KHDRBS2: variants seen among roughly 807,000 people sequenced by gnomAD.
KHDRBS2 encodes KH RNA binding domain containing, signal transduction associated 2, also known as KH domain-containing, RNA-binding, signal transduction-associated protein 2.
KHDRBS2 carries 26 observed loss-of-function variants against 44.3 expected under a neutral mutation model. The ratio of observed to expected loss-of-function variants is 0.59; its 90% CI spans 0.43 to 0.81. The LOEUF (loss-of-function observed/expected upper bound fraction) is 0.81. Ranked by LOEUF, KHDRBS2 falls within the 40% of genes least tolerant of loss-of-function variation. KHDRBS2 has a pLI of 0.00. For synonymous variants in KHDRBS2, 194 were observed against 151.1 expected (o/e 1.28, Z -2.08); for missense variants, 476 against 433.1 (o/e 1.10, Z -0.88).
chr6:61,769,971 A>G (rs1021717852), intron 6 of KHDRBS2, among the ~76,000 whole-genome samples: 1 of 152,048 alleles, frequency 6.6e-6, no homozygotes, highest in African/African-American at 2.4e-5. Context: ...ACGGCTGTGT[A>G]CTCCTCTGAG....
rs1562170637 is a variant in KHDRBS2, at chr6:61,782,746, C to CATAT, written c.811-49983_811-49982insATAT. Among the ~76,000 whole-genome samples the CATAT allele has an allele frequency of 2.3e-4, 31 of 135,202 alleles. 1 individual carries two copies. The highest frequency in any genetic ancestry group is 6.7e-4 in the East Asian group (3 of 4,500). 88.7% of individuals were successfully genotyped at this position (135,202 alleles called of 152,430 possible). A position where few individuals can be genotyped will look rare whatever the true frequency, so the allele number is the denominator to read the frequency against. ...ATATATATATATATATATACACACA[C>CATAT]ACATATACATATACATATACATATA... On this transcript the variant is annotated intron_variant, in intron 6 of 8. Coordinates refer to ENST00000281156, the MANE Select transcript of KHDRBS2 (RefSeq NM_152688.4).
chr6:61,549,806 C>T, the KHDRBS2 span, among the ~76,000 whole-genome samples: 1 of 152,078 alleles, frequency 6.6e-6, no homozygotes, highest in Non-Finnish European at 1.5e-5. Context: ...AACCTAGCAA[C>T]TAATCTTTAA....
intron 4 of KHDRBS2, among the ~76,000 whole-genome samples, chr6:61,913,027 C>T (rs2127352710): frequency 6.6e-6 from 1 of 152,230 alleles, no homozygotes; most frequent in East Asian, 1.9e-4. Context: ...GCCTTCATCA[C>T]AGACATGGGA....
chr6:62,180,638 G>A (rs1388985256), intron 1 of KHDRBS2, among the ~76,000 whole-genome samples: 1 of 151,726 alleles, frequency 6.6e-6, no homozygotes, highest in East Asian at 1.9e-4. Context: ...TAAAGATTCA[G>A]TTCAATCTCT....
At chr6:62,025,414 AT>A (rs933642679) in intron 3 of KHDRBS2, among the ~76,000 whole-genome samples, 4 of 151,812 alleles carry the variant, frequency 2.6e-5, no homozygotes, top group South Asian at 2.1e-4. Flanking sequence ...GAAATATCTT[AT>A]TTTTTTAAAT....
intron 2 of KHDRBS2, among the ~76,000 whole-genome samples, chr6:62,118,929 G>A (rs534122020): frequency 1.4e-4 from 21 of 152,102 alleles, no homozygotes; most frequent in Non-Finnish European, 3.1e-4. Flanking sequence ...GCAGACAGAT[G>A]ACCTATTAGG....
chr6:61,658,242 A>G, the KHDRBS2 span, among the ~76,000 whole-genome samples: 2 of 151,854 alleles, frequency 1.3e-5, no homozygotes, highest in African/African-American at 4.8e-5. Flanking sequence ...TGATTTTCAT[A>G]TAGCCATATC....
intron 4 of KHDRBS2, among the ~76,000 whole-genome samples, chr6:61,901,808 G>A (rs895398662): frequency 1.3e-5 from 2 of 152,232 alleles, no homozygotes; most frequent in East Asian, 1.9e-4. Context: ...AAACAAAAAA[G>A]AGCAATCCCA....
intron 6 of KHDRBS2, among the ~76,000 whole-genome samples, chr6:61,867,165 AG>A (rs1797918149): frequency 6.6e-6 from 1 of 152,214 alleles, no homozygotes; most frequent in African/African-American, 2.4e-5. Context: ...GATGAAAAAT[AG>A]GTTTAATGGA....
chr6:61,970,367 T>G (rs1447737640), intron 4 of KHDRBS2, among the ~76,000 whole-genome samples: 3 of 152,092 alleles, frequency 2.0e-5, no homozygotes, highest in Non-Finnish European at 4.4e-5. Flanking sequence ...ATCCCATCAT[T>G]TTATTTCAAG....
chr6:61,974,786 C>T (rs1772173546), intron 4 of KHDRBS2, among the ~76,000 whole-genome samples: 1 of 151,812 alleles, frequency 6.6e-6, no homozygotes, highest in South Asian at 2.1e-4. Context: ...CAAAAATTAG[C>T]TGGGCATGGT....
At chr6:61,924,881 A>AC (rs1278406221) in intron 4 of KHDRBS2, among the ~76,000 whole-genome samples, 2 of 152,096 alleles carry the variant, frequency 1.3e-5, no homozygotes. Context: ...AACACTTGTA[A>AC]CTTCATAGTT....
intron 2 of KHDRBS2, among the ~76,000 whole-genome samples, chr6:62,117,641 T>C (rs1806587816): frequency 6.6e-6 from 1 of 152,288 alleles, no homozygotes; most frequent in African/African-American, 2.4e-5. Flanking sequence ...TTGCTCCTGT[T>C]ACCTGTGCTT....
the KHDRBS2 span, among the ~76,000 whole-genome samples, chr6:61,592,808 G>A: frequency 2.4e-4 from 37 of 152,200 alleles, no homozygotes; most frequent in African/African-American, 8.4e-4. Flanking sequence ...AAAAACAAAA[G>A]CATGGATTAG....
At chr6:61,860,257 G>A (rs1796723987) in intron 6 of KHDRBS2, among the ~76,000 whole-genome samples, 1 of 151,942 alleles carries the variant, frequency 6.6e-6, no homozygotes, top group Admixed American at 6.6e-5. Context: ...TAGACTCATG[G>A]TTAATGTCTT....
At chr6:61,857,381 C>T (rs1382702502) in intron 6 of KHDRBS2, among the ~76,000 whole-genome samples, 1 of 151,908 alleles carries the variant, frequency 6.6e-6, no homozygotes, top group Non-Finnish European at 1.5e-5. Context: ...TTAACTATAA[C>T]CATGGCTTAA....
chr6:62,166,143 A>G lies in KHDRBS2; in HGVS notation c.219+11042T>C, dbSNP rs181151590. Among the ~76,000 whole-genome samples, 96 of 152,112 alleles carry G rather than the reference A, an allele frequency of 6.3e-4. 1 individual carries two copies. Among genetic ancestry groups the G allele is most frequent in the African/African-American group, 2.2e-3 (93 of 41,528 alleles). ...CGTAGAATGTAATAGAATGTAATGA[A>G]ATTCTATTATTCTAATAATTATAAG... On this transcript the variant is annotated intron_variant, in intron 2 of 8. Coordinates refer to ENST00000281156, the MANE Select transcript of KHDRBS2 (RefSeq NM_152688.4).
the KHDRBS2 span, among the ~76,000 whole-genome samples, chr6:61,572,035 T>A: frequency 6.6e-6 from 1 of 152,070 alleles, no homozygotes; most frequent in African/African-American, 2.4e-5. Context: ...AAAAGCTGGT[T>A]CTTTGAGAAG....
intron 4 of KHDRBS2, among the ~76,000 whole-genome samples, chr6:61,946,950 T>A (rs1376669505): frequency 1.3e-5 from 2 of 152,156 alleles, no homozygotes; most frequent in Admixed American, 1.3e-4. Context: ...CCTTGTTTTA[T>A]AGAAGAAAAG....
Sources: gnomAD v4.1 joint callset for allele counts (sites outside exome capture counted in the v4.1 genomes callset) on GRCh38, gnomAD v4.1.1 for gene constraint, MANE v1.5 for transcripts, NCBI Gene and HGNC (gene_info 2026-07-23, HGNC 2026-07-21) for gene names.